SLC28A1: variants seen among roughly 807,000 people sequenced by gnomAD.
The protein encoded by SLC28A1 is sodium/nucleoside cotransporter 1.
A neutral mutation model predicts 74.8 loss-of-function variants in SLC28A1; 64 were observed. That is an observed-to-expected ratio of 0.86 (90% confidence interval 0.70 to 1.05). The LOEUF is 1.05. Among genes scored for constraint, SLC28A1 ranks in the 50% least tolerant of loss-of-function variants. The pLI is 0.00. For synonymous variants in SLC28A1, 359 were observed against 335.0 expected (o/e 1.07, Z -0.78); for missense variants, 828 against 822.8 (o/e 1.01, Z -0.08).
At chr15:84,948,371 A>G (rs945969108), downstream of SLC28A1, among the ~76,000 whole-genome samples, 2 of 152,102 alleles carry the variant, frequency 1.3e-5, no homozygotes, top group Non-Finnish European at 2.9e-5. Flanking sequence ...GAATGTTTAT[A>G]CCCACTGTAT....
At chr15:84,924,779 G>T (rs999472694) in intron 12 of SLC28A1, among the ~76,000 whole-genome samples, 3 of 152,094 alleles carry the variant, frequency 2.0e-5, no homozygotes, top group Non-Finnish European at 4.4e-5. Flanking sequence ...ATCTTCAAAG[G>T]TCTCAATTTT....
At position 84,944,775 on chromosome 15, in the gene SLC28A1, G is replaced by A. The variant is rs112519384; in HGVS notation, c.1782G>A (p.Arg594=). 1.4e-5 allele frequency: 23 copies of A among 1,613,994 alleles called. No homozygotes were observed. Among genetic ancestry groups the A allele is most frequent in the African/African-American group, 1.1e-4 (8 of 75,046 alleles). Residue 594 remains arginine (R), a synonymous_variant, in exon 18 of 19, where the codon AGG becomes AGA. Transcript: ENST00000394573. ...ACMAGILYMP[R]GAEVDCMSLL... is the part of the protein sequence containing the mutation. ...CTACAGGGATCCTCTACATGCCCAG[G>A]GGGGCTGAAGTTGACTGCATGTCCC...
chr15:84,956,918 A>C, the SLC28A1 span, among the ~76,000 whole-genome samples: 1 of 152,136 alleles, frequency 6.6e-6, no homozygotes, highest in Non-Finnish European at 1.5e-5. Flanking sequence ...CTAAACTGTG[A>C]CACTCCATTG....
chr15:84,904,877 G>A (rs1452816407), intron 7 of SLC28A1, among the ~76,000 whole-genome samples: 1 of 152,206 alleles, frequency 6.6e-6, no homozygotes, highest in Non-Finnish European at 1.5e-5. Flanking sequence ...TAGGCAGATG[G>A]AATCTTCTCT....
the SLC28A1 span, among the ~76,000 whole-genome samples, chr15:84,960,832 C>T: frequency 6.6e-6 from 1 of 152,158 alleles, no homozygotes; most frequent in East Asian, 1.9e-4. Context: ...TCTCTTAGTC[C>T]TTATTGCTTT....
chr15:84,963,972 C>T, the SLC28A1 span, among the ~76,000 whole-genome samples: 1 of 152,174 alleles, frequency 6.6e-6, no homozygotes, highest in Non-Finnish European at 1.5e-5. Flanking sequence ...CTTGACCACT[C>T]CTTTCTTTCA....
rs71135328 is a variant in SLC28A1 at position 84,908,178 on chromosome 15, C to CTTTTTTTT, written c.718-524_718-517dup. ...TGTCCTAATAACTCCCAGAGCATTT[C>CTTTTTTTT]TTTTTTTTTTTTTTTTTTTTTTTGA... On this transcript the variant is annotated intron_variant, in intron 8 of 18. Transcript: ENST00000394573. Among the ~76,000 whole-genome samples the CTTTTTTTT allele has an allele frequency of 1.8e-3, 166 of 91,338 alleles. 10 individuals carry two copies. Among genetic ancestry groups the CTTTTTTTT allele is most frequent in the African/African-American group, 3.6e-3 (76 of 20,938 alleles). The allele number at this position is 91,338 out of a possible 152,430, so 59.9% of individuals were successfully genotyped here. A position where few individuals can be genotyped will look rare whatever the true frequency, so the allele number is the denominator to read the frequency against.
intron 16 of SLC28A1, 130 bp downstream of exon 16, chr15:84,943,656 T>C (rs1297442973): frequency 1.3e-6 from 1 of 741,994 alleles, no homozygotes; most frequent in African/African-American, 1.7e-5. Context: ...AGGCCAGGTG[T>C]GGTGGCTCAT....
At position 84,905,658 on chromosome 15, in the gene SLC28A1, T is replaced by C. The variant is rs779988677; in HGVS notation, c.717+6T>C. On this transcript the variant is annotated splice_donor_region_variant and intron_variant, in intron 8 of 18. Transcript: ENST00000394573. ...GGCTGGGCGAGCAGATCCGGGTAGG[T>C]ATGTGGGGTCTGGCTGCCCAGAGCA... 1.3e-6 allele frequency: 2 copies of C among 1,598,422 alleles called. No individual in the cohort carries two copies. Among genetic ancestry groups the C allele is most frequent in the Non-Finnish European group, 8.6e-7 (1 of 1,166,086 alleles).
intron 12 of SLC28A1, among the ~76,000 whole-genome samples, chr15:84,931,022 C>T (rs1023388280): frequency 2.0e-5 from 3 of 152,058 alleles, no homozygotes; most frequent in Non-Finnish European, 4.4e-5. Context: ...CCTCCCACCT[C>T]GGCCTCCCAA....
rs1016748739 is a variant in SLC28A1, at chr15:84,890,472, G to C, written c.215G>C (p.Arg72Thr). Residue 72 changes from arginine to threonine, a missense_variant, in exon 5 of 19, where the codon AGA (arginine) becomes ACA (threonine). By Grantham distance (71) the Arg-to-Thr change is moderately conservative. Coordinates refer to ENST00000394573, the MANE Select transcript of SLC28A1 (RefSeq NM_004213.5). ...WRNLQPALRARSFCREHMQLF... is the reference protein window; with the variant it reads ...WRNLQPALRATSFCREHMQLF... ...AACCTGCAGCCAGCCCTGAGAGCCA[G>C]AAGCTTCTGCAGGGAGCACATGCAG... 1 of 1,610,562 alleles carries C rather than the reference G, an allele frequency of 6.2e-7. No individual in the cohort carries two copies. Among genetic ancestry groups the C allele is most frequent in the Non-Finnish European group, 8.5e-7 (1 of 1,179,514 alleles).
intron 13 of SLC28A1, among the ~76,000 whole-genome samples, chr15:84,934,409 A>T (rs533728677): frequency 1.0e-3 from 156 of 152,098 alleles, no homozygotes; most frequent in African/African-American, 3.6e-3. Flanking sequence ...GCCATCTTTG[A>T]TTTCACTCAC....
At chr15:84,949,970 T>C (rs1488581750), downstream of SLC28A1, among the ~76,000 whole-genome samples, 1 of 152,120 alleles carries the variant, frequency 6.6e-6, no homozygotes, top group Non-Finnish European at 1.5e-5. Flanking sequence ...TTCCATTTCC[T>C]GAGTGAGAGA....
At chr15:84,956,468 C>CCTTCTTTCTTTCTTTCTTTCTTTCT in the SLC28A1 span, among the ~76,000 whole-genome samples, 25 of 67,126 alleles carry the variant, frequency 3.7e-4, no homozygotes, top group African/African-American at 1.1e-3. Context: ...TCTTTCTTTC[C>CCTTCTTTCTTTCTTTCTTTCTTTCT]TTCTTTCTTT....
At chr15:84,887,922 G>T in intron 3 of SLC28A1, 66 bp downstream of exon 3, 1 of 1,173,012 alleles carries the variant, frequency 8.5e-7, no homozygotes, top group Non-Finnish European at 1.3e-6. Flanking sequence ...CGGCTGCCGA[G>T]GTGATGAGGC....
chr15:84,936,228 C>T (rs1330319688), intron 15 of SLC28A1, among the ~76,000 whole-genome samples: 9 of 148,808 alleles, frequency 6.0e-5, no homozygotes. Flanking sequence ...CAAGCGTGAG[C>T]CACTGCGCCC....
At chr15:84,935,233 T>A (rs1469209671) in intron 14 of SLC28A1, 39 bp downstream of exon 14, 1 of 1,612,842 alleles carries the variant, frequency 6.2e-7, no homozygotes, top group African/African-American at 1.3e-5. Flanking sequence ...GTAGAGAGGA[T>A]GGCCCCAGGT....
At chr15:84,931,211 T>C (rs1971237376) in intron 12 of SLC28A1, among the ~76,000 whole-genome samples, 1 of 152,094 alleles carries the variant, frequency 6.6e-6, no homozygotes, top group Non-Finnish European at 1.5e-5. Flanking sequence ...TGGCCTGCCC[T>C]CTGCTTTTAT....
chr15:84,895,951 C>G, intron 6 of SLC28A1: 1 of 983,954 alleles, frequency 1.0e-6, no homozygotes, highest in African/African-American at 1.7e-5. Flanking sequence ...TTTGAGCCAG[C>G]CTGTGGATGA....
Sources: gnomAD v4.1 joint callset for allele counts (sites outside exome capture counted in the v4.1 genomes callset) on GRCh38, gnomAD v4.1.1 for gene constraint, MANE v1.5 for transcripts, NCBI Gene and HGNC (gene_info 2026-07-23, HGNC 2026-07-21) for gene names.